The following KHDRBS2 variants were observed in gnomAD, a reference collection of about 807,000 sequenced individuals.
KHDRBS2 encodes KH RNA binding domain containing, signal transduction associated 2.
Under a neutral mutation model 44.3 loss-of-function variants are expected in KHDRBS2, and 26 were observed. That is an observed-to-expected ratio of 0.59 (90% CI 0.43 to 0.81). The LOEUF (loss-of-function observed/expected upper bound fraction) is 0.81. Among genes scored for constraint, KHDRBS2 ranks in the 40% least tolerant of loss-of-function variants. KHDRBS2 has a pLI of 0.00. For synonymous variants in KHDRBS2, 194 were observed against 151.1 expected (o/e 1.28, Z -2.08); for missense variants, 476 against 433.1 (o/e 1.10, Z -0.88).
the KHDRBS2 span, among the ~76,000 whole-genome samples, chr6:61,598,270 T>C: frequency 2.6e-5 from 4 of 151,660 alleles, no homozygotes; most frequent in East Asian, 1.9e-4. Context: ...ACAAGAGGTA[T>C]ACCTAAACAA....
intron 2 of KHDRBS2, among the ~76,000 whole-genome samples, chr6:62,145,108 T>C (rs1034036428): frequency 2.0e-5 from 3 of 151,976 alleles, no homozygotes; most frequent in African/African-American, 7.2e-5. Context: ...AATAAAACTC[T>C]TTTCTTTATA....
At chr6:62,282,684 T>C (rs1294622246) in intron 1 of KHDRBS2, among the ~76,000 whole-genome samples, 1 of 152,142 alleles carries the variant, frequency 6.6e-6, no homozygotes, top group East Asian at 1.9e-4. Flanking sequence ...ATGCCTCAAA[T>C]TACATTTTAG....
intron 4 of KHDRBS2, among the ~76,000 whole-genome samples, chr6:61,922,440 C>G (rs542901429): frequency 3.3e-5 from 5 of 152,108 alleles, no homozygotes; most frequent in African/African-American, 4.8e-5. Context: ...CCAGAAAGAA[C>G]AACAAAGAGC....
intron 1 of KHDRBS2, among the ~76,000 whole-genome samples, chr6:62,253,167 T>C (rs1836819228): frequency 6.6e-6 from 1 of 152,084 alleles, no homozygotes; most frequent in African/African-American, 2.4e-5. Flanking sequence ...ATTATGAGAT[T>C]TTTGAAGCCA....
intron 4 of KHDRBS2, among the ~76,000 whole-genome samples, chr6:61,913,898 A>G (rs1806497879): frequency 2.0e-5 from 3 of 152,142 alleles, no homozygotes; most frequent in African/African-American, 7.2e-5. Context: ...CATATGTATC[A>G]AAGATTTAGT....
chr6:61,603,719 T>G, the KHDRBS2 span, among the ~76,000 whole-genome samples: 1 of 152,164 alleles, frequency 6.6e-6, no homozygotes, highest in African/African-American at 2.4e-5. Context: ...ATAAATATAC[T>G]TTCTGCTCCC....
intron 6 of KHDRBS2, among the ~76,000 whole-genome samples, chr6:61,862,094 C>A (rs968402730): frequency 6.6e-6 from 1 of 152,074 alleles, no homozygotes; most frequent in Non-Finnish European, 1.5e-5. Context: ...ATTTGCTTAT[C>A]AACTTAAGAA....
chr6:61,899,744 G>T (rs1357794887), intron 5 of KHDRBS2, among the ~76,000 whole-genome samples: 118 of 67,830 alleles, frequency 1.7e-3, no homozygotes, highest in African/African-American at 4.7e-3. Context: ...CCCCCCCCCC[G>T]CATTTTAAGG....
At chr6:61,945,983 T>C (rs1056614020) in intron 4 of KHDRBS2, among the ~76,000 whole-genome samples, 6 of 152,232 alleles carry the variant, frequency 3.9e-5, no homozygotes, top group Admixed American at 6.5e-5. Context: ...TGTTTGCTTA[T>C]GTGTGTGTGC....
chr6:61,906,540 C>T (rs1006284527), intron 4 of KHDRBS2, among the ~76,000 whole-genome samples: 12 of 151,902 alleles, frequency 7.9e-5, no homozygotes, highest in Admixed American at 7.9e-4. Flanking sequence ...CCCAACTTCC[C>T]CCCCTCCTTC....
rs149262553 is a variant in KHDRBS2 at position 61,889,680 on chromosome 6, T to C, written c.810+4955A>G. On this transcript the variant is annotated intron_variant, in intron 6 of 8. Transcript: ENST00000281156. ...CTACCTCCACCCGCATGTTCTATTA[T>C]CCATGATGTAGGCAGATTAAACCTT... 5.2e-3 allele frequency among the ~76,000 whole-genome samples: 792 copies of C among 152,272 alleles called. 7 individuals carry two copies. Among genetic ancestry groups the C allele is most frequent in the Middle Eastern group, 6.8e-3 (2 of 294 alleles).
intron 6 of KHDRBS2, among the ~76,000 whole-genome samples, chr6:61,766,036 T>C (rs1779963516): frequency 6.6e-6 from 1 of 152,060 alleles, no homozygotes; most frequent in Non-Finnish European, 1.5e-5. Context: ...TTTTTCTGAA[T>C]AATTTGAGAG....
the KHDRBS2 span, among the ~76,000 whole-genome samples, chr6:61,655,108 C>G: frequency 6.6e-6 from 1 of 151,666 alleles, no homozygotes; most frequent in Non-Finnish European, 1.5e-5. Context: ...TGCCCAGAAA[C>G]AACACAAAAC....
At chr6:61,655,225 TACACACAC>T in the KHDRBS2 span, among the ~76,000 whole-genome samples, 802 of 145,296 alleles carry the variant, frequency 5.5e-3, 8 homozygotes, top group African/African-American at 0.018. Context: ...CATACATACA[TACACACAC>T]ACACACACAC....
At chr6:61,977,183 A>T (rs1772847523) in intron 4 of KHDRBS2, among the ~76,000 whole-genome samples, 3 of 152,256 alleles carry the variant, frequency 2.0e-5, no homozygotes, top group Non-Finnish European at 1.5e-5. Context: ...TTATTTAGAA[A>T]TCTGCAGTTT....
intron 3 of KHDRBS2, among the ~76,000 whole-genome samples, chr6:61,995,648 G>A (rs1470860962): frequency 6.6e-6 from 1 of 152,156 alleles, no homozygotes; most frequent in Non-Finnish European, 1.5e-5. Flanking sequence ...GTCAGGGTGA[G>A]TCTGAATGTG....
intron 6 of KHDRBS2, among the ~76,000 whole-genome samples, chr6:61,812,697 T>C (rs764874117): frequency 7.9e-5 from 12 of 152,014 alleles, no homozygotes; most frequent in Admixed American, 2.6e-4. Context: ...GGATAAAATA[T>C]AAAACAAACC....
intron 6 of KHDRBS2, among the ~76,000 whole-genome samples, chr6:61,797,739 G>T (rs981739215): frequency 6.7e-6 from 1 of 150,230 alleles, no homozygotes; most frequent in African/African-American, 2.5e-5. Context: ...GTGTGTGTGT[G>T]TGTGTGTGTG....
intron 3 of KHDRBS2, among the ~76,000 whole-genome samples, chr6:62,043,844 G>A (rs1430288264): frequency 6.6e-6 from 1 of 151,834 alleles, no homozygotes; most frequent in Non-Finnish European, 1.5e-5. Context: ...TCTTATGTAA[G>A]GATTAAGAAG....
Sources: gnomAD v4.1 joint callset for allele counts (sites outside exome capture counted in the v4.1 genomes callset) on GRCh38, gnomAD v4.1.1 for gene constraint, MANE v1.5 for transcripts, NCBI Gene and HGNC (gene_info 2026-07-23, HGNC 2026-07-21) for gene names.